Variants in RANBP17 observed in about 807,000 individuals in gnomAD.
RANBP17 encodes the protein RAN binding protein 17.
A neutral mutation model predicts 141.2 loss-of-function variants in RANBP17; 158 were observed. The observed-to-expected ratio is 1.12, with a 90% confidence interval of 0.98 to 1.28. The LOEUF (loss-of-function observed/expected upper bound fraction) is 1.28, where lower values mean the gene tolerates loss of function less well. Ranked by LOEUF, RANBP17 falls within the 50% of genes most tolerant of loss-of-function variation. RANBP17 has a pLI of 0.00. For synonymous variants in RANBP17, 430 were observed against 450.0 expected, an observed-to-expected ratio of 0.96 and a Z score of 0.56; for missense variants, 1,438 against 1,290.7, an observed-to-expected ratio of 1.11 and a Z score of -1.75.
At chr5:171,148,422 G>T (rs1408920137) in intron 14 of RANBP17, among the ~76,000 whole-genome samples, 1 of 151,950 alleles carries the variant, frequency 6.6e-6, no homozygotes, top group Non-Finnish European at 1.5e-5. Flanking sequence ...TTTAATCTCA[G>T]ATATTAAATG....
At chr5:171,201,331 T>G (rs1363057367) in intron 19 of RANBP17, among the ~76,000 whole-genome samples, 1 of 152,214 alleles carries the variant, frequency 6.6e-6, no homozygotes, top group African/African-American at 2.4e-5. Context: ...GATAACTGCC[T>G]GATTCAGCTT....
intron 14 of RANBP17, among the ~76,000 whole-genome samples, chr5:170,990,694 CATTTT>C (rs1778445003): frequency 6.6e-6 from 1 of 151,972 alleles, no homozygotes; most frequent in Non-Finnish European, 1.5e-5. Flanking sequence ...AATTAGATCT[CATTTT>C]AATTCTGCTT....
intron 14 of RANBP17, among the ~76,000 whole-genome samples, chr5:170,998,250 A>C (rs1298194366): frequency 2.6e-5 from 4 of 152,154 alleles, no homozygotes; most frequent in Non-Finnish European, 5.9e-5. Flanking sequence ...TTTTATTGTT[A>C]TGTGTGTAGA....
intron 18 of RANBP17, among the ~76,000 whole-genome samples, chr5:171,197,320 C>T (rs536285099): frequency 4.4e-4 from 67 of 152,268 alleles, no homozygotes; most frequent in Non-Finnish European, 8.8e-4. Context: ...TATTGAGCAT[C>T]TTCTGTTTTC....
chr5:170,904,142 A>G (rs1159917255), intron 5 of RANBP17: 5 of 344,670 alleles, frequency 1.5e-5, no homozygotes, highest in Non-Finnish European at 2.3e-5. Context: ...GATTAAAACC[A>G]TCTCTACAAT....
chr5:171,015,859 G>C (rs57307714), intron 14 of RANBP17, among the ~76,000 whole-genome samples: 3,972 of 152,124 alleles, frequency 0.026, 156 homozygotes, highest in African/African-American at 0.09. Flanking sequence ...TGTATCTGTT[G>C]ATATAGAGAT....
intron 5 of RANBP17, among the ~76,000 whole-genome samples, chr5:170,906,292 C>G (rs1007338266): frequency 1.3e-5 from 2 of 152,042 alleles, no homozygotes; most frequent in Non-Finnish European, 2.9e-5. Context: ...AGAAAAATTT[C>G]TCAATCTTTT....
intron 14 of RANBP17, among the ~76,000 whole-genome samples, chr5:171,081,413 A>G (rs1400056878): frequency 2.0e-5 from 3 of 152,208 alleles, no homozygotes; most frequent in Non-Finnish European, 2.9e-5. Flanking sequence ...AGATTGCTGT[A>G]TAGTAGTTAG....
At chr5:171,138,352 TA>T (rs1757458992) in intron 14 of RANBP17, among the ~76,000 whole-genome samples, 1 of 152,114 alleles carries the variant, frequency 6.6e-6, no homozygotes, top group African/African-American at 2.4e-5. Context: ...CTTGCTTACA[TA>T]AGGTTGACTC....
rs750926248 is a variant in RANBP17 at position 170,918,697 on chromosome 5, T to C, written c.955-16T>C. ...TTGGCTTGTTTTTAAGCCTTTCTTT[T>C]TGTCTCATAATTTAGGGTTTGTCTG... On this transcript the variant is annotated splice_polypyrimidine_tract_variant and intron_variant, in intron 9 of 27. Coordinates refer to ENST00000523189, the MANE Select transcript of RANBP17 (RefSeq NM_022897.5). 38 of 1,582,094 alleles carry C rather than the reference T, an allele frequency of 2.4e-5. No homozygotes were observed. The highest frequency in any genetic ancestry group is 3.1e-5 in the Non-Finnish European group (36 of 1,165,988).
intron 14 of RANBP17, among the ~76,000 whole-genome samples, chr5:171,092,215 C>T (rs1230624497): frequency 6.6e-6 from 1 of 152,056 alleles, no homozygotes; most frequent in East Asian, 1.9e-4. Flanking sequence ...TCTGAGAATT[C>T]TTATTTGCCT....
intron 14 of RANBP17, among the ~76,000 whole-genome samples, chr5:171,064,575 C>A (rs1218618229): frequency 6.6e-6 from 1 of 152,188 alleles, no homozygotes; most frequent in African/African-American, 2.4e-5. Flanking sequence ...TGGCTCACTG[C>A]AACCTTCTCC....
intron 12 of RANBP17, among the ~76,000 whole-genome samples, chr5:170,933,348 T>G (rs1773563923): frequency 6.6e-6 from 1 of 152,108 alleles, no homozygotes; most frequent in South Asian, 2.1e-4. Flanking sequence ...TTTGTTGATC[T>G]TTTCAAAAAA....
At chr5:171,235,298 G>T (rs925583045) in intron 22 of RANBP17, among the ~76,000 whole-genome samples, 1 of 150,562 alleles carries the variant, frequency 6.6e-6, no homozygotes, top group African/African-American at 2.4e-5. Context: ...GGGAAGTAAG[G>T]CCAAGAGAAG....
intron 14 of RANBP17, among the ~76,000 whole-genome samples, chr5:171,070,022 G>A (rs1255787807): frequency 1.3e-5 from 2 of 152,114 alleles, no homozygotes; most frequent in African/African-American, 4.8e-5. Context: ...GGGAACTCTT[G>A]TAACTCAGTA....
At chr5:171,112,215 C>T (rs924545016) in intron 14 of RANBP17, among the ~76,000 whole-genome samples, 8 of 152,026 alleles carry the variant, frequency 5.3e-5, no homozygotes, top group African/African-American at 1.9e-4. Flanking sequence ...TAACAGTTGT[C>T]CTCAATATAA....
At chr5:170,936,928 A>G (rs1773926820) in intron 12 of RANBP17, among the ~76,000 whole-genome samples, 1 of 152,114 alleles carries the variant, frequency 6.6e-6, no homozygotes. Context: ...AATCTATCTT[A>G]TCTGATATTA....
At chr5:171,027,063 A>G (rs575956028) in intron 14 of RANBP17, among the ~76,000 whole-genome samples, 1 of 152,290 alleles carries the variant, frequency 6.6e-6, no homozygotes, top group East Asian at 1.9e-4. Context: ...GAGGTGGGAC[A>G]GTTTTATCCT....
At position 170,878,124 on chromosome 5, in the gene RANBP17, A is replaced by G. The variant is rs1467962875; in HGVS notation, c.46A>G (p.Thr16Ala). ...TTTGGCTGAATTGGAAGTGTTATGT[A>G]CTCATCTCTACATAGGGACTGATCT... ...QSLAELEVLC[T>A]HLYIGTDLTQ... The change falls in exon 2 of 28, where the codon ACT becomes GCT. Residue 16 changes from threonine to alanine, a missense_variant. Thr to Ala is a moderately conservative substitution (Grantham distance 58). Transcript: ENST00000523189. 6.2e-7 allele frequency: 1 copy of G among 1,606,618 alleles called. No individual in the cohort carries two copies. The highest frequency in any genetic ancestry group is 1.7e-5 in the Admixed American group (1 of 59,034).
Sources: allele counts gnomAD v4.1 joint callset (sites outside exome capture counted in the v4.1 genomes callset), GRCh38; gene constraint gnomAD v4.1.1; transcripts MANE v1.5; gene names NCBI Gene and HGNC (gene_info 2026-07-23, HGNC 2026-07-21).